SCAND3: variants seen among roughly 807,000 people sequenced by gnomAD.
SCAND3 encodes SCAN domain containing 3, also known as SCAN domain-containing protein 3.
the SCAND3 span, chr6:28,575,754 G>A: frequency 1.2e-6 from 2 of 1,613,960 alleles, no homozygotes; most frequent in African/African-American, 2.7e-5. The surrounding 1 kb of genome is among the most constrained non-coding windows in gnomAD (Gnocchi z 4.2). Flanking sequence ...CATGTCCAAT[G>A]CTGAGATGTG....
At chr6:28,590,981 G>A in the SCAND3 span, 99 of 152,262 alleles carry the variant, frequency 6.5e-4, no homozygotes, top group African/African-American at 2.3e-3. Flanking sequence ...CTCACCCAAA[G>A]TGTTCTCCCT....
chr6:28,585,525 T>C, the SCAND3 span, among the ~76,000 whole-genome samples: 1 of 152,188 alleles, frequency 6.6e-6, no homozygotes, highest in Non-Finnish European at 1.5e-5. Context: ...GGAAAACTCA[T>C]ACATGAGCTT....
At chr6:28,576,739 C>A in the SCAND3 span, among the ~76,000 whole-genome samples, 2 of 151,152 alleles carry the variant, frequency 1.3e-5, no homozygotes, top group Non-Finnish European at 2.9e-5. Flanking sequence ...TGCAAATTAA[C>A]ATTTACTTGT....
At chr6:28,579,279 T>G in the SCAND3 span, 2 of 1,613,130 alleles carry the variant, frequency 1.2e-6, no homozygotes, top group Admixed American at 1.7e-5. This position sits in a 1 kb window ranked among gnomAD's most constrained non-coding sequence, Gnocchi z 4.5. Context: ...CACCATTATC[T>G]TGAAGTGGGT....
At chr6:28,615,293 C>T in the SCAND3 span, among the ~76,000 whole-genome samples, 3 of 152,146 alleles carry the variant, frequency 2.0e-5, no homozygotes, top group Admixed American at 2.0e-4. Flanking sequence ...AAATTTAACA[C>T]GTATTAGACA....
the SCAND3 span, chr6:28,579,427 C>A: frequency 1.2e-6 from 2 of 1,604,830 alleles, no homozygotes; most frequent in Non-Finnish European, 1.7e-6. The surrounding 1 kb of genome is among the most constrained non-coding windows in gnomAD (Gnocchi z 4.5). Flanking sequence ...GACCTGTGGA[C>A]AAGTAGGTGC....
the SCAND3 span, among the ~76,000 whole-genome samples, chr6:28,606,518 G>A: frequency 6.6e-6 from 1 of 151,856 alleles, no homozygotes; most frequent in Non-Finnish European, 1.5e-5. Context: ...TTCAGATAAC[G>A]CTACTACCCC....
At chr6:28,571,958 T>C in the SCAND3 span, 19 of 1,613,690 alleles carry the variant, frequency 1.2e-5, no homozygotes, top group Non-Finnish European at 1.6e-5. Flanking sequence ...TTGTCTAATC[T>C]AGGTTGGATT....
At chr6:28,581,293 G>A in the SCAND3 span, among the ~76,000 whole-genome samples, 5 of 152,070 alleles carry the variant, frequency 3.3e-5, no homozygotes, top group Non-Finnish European at 7.4e-5. Flanking sequence ...AGCCAAGATC[G>A]TGCCACTGCC....
chr6:28,578,444 G>A, the SCAND3 span, among the ~76,000 whole-genome samples: 50 of 152,132 alleles, frequency 3.3e-4, no homozygotes, highest in Admixed American at 8.5e-4. Flanking sequence ...TATCTAACAC[G>A]TTACTACATC....
chr6:28,589,856 G>GTTTTTTTTTTT, the SCAND3 span: 2 of 116,552 alleles, frequency 1.7e-5, no homozygotes, highest in Non-Finnish European at 3.6e-5. Flanking sequence ...TTTTTTGTTT[G>GTTTTTTTTTTT]TTTTTTTTTT....
At chr6:28,574,799 C>T in the SCAND3 span, 1 of 1,614,018 alleles carries the variant, frequency 6.2e-7, no homozygotes, top group African/African-American at 1.3e-5. Flanking sequence ...CCACAGCCCT[C>T]AGTCCCATGT....
chr6:28,615,252 T>C, the SCAND3 span, among the ~76,000 whole-genome samples: 1 of 152,246 alleles, frequency 6.6e-6, no homozygotes, highest in East Asian at 1.9e-4. Context: ...AACCAAAAGA[T>C]ATTTACAAAA....
At chr6:28,603,604 G>T in the SCAND3 span, among the ~76,000 whole-genome samples, 1 of 150,048 alleles carries the variant, frequency 6.7e-6, no homozygotes, top group Admixed American at 6.7e-5. Flanking sequence ...AAATTTTCCA[G>T]GTATATTATA....
the SCAND3 span, among the ~76,000 whole-genome samples, chr6:28,610,045 G>A: frequency 6.6e-6 from 1 of 152,038 alleles, no homozygotes; most frequent in Non-Finnish European, 1.5e-5. Flanking sequence ...GCAACAGGGT[G>A]CAACGCCGTC....
the SCAND3 span, among the ~76,000 whole-genome samples, chr6:28,600,917 T>C: frequency 1.3e-5 from 2 of 148,542 alleles, no homozygotes; most frequent in Non-Finnish European, 3.0e-5. Flanking sequence ...TTTTTTTTTT[T>C]TTGAGACAGA....
the SCAND3 span, among the ~76,000 whole-genome samples, chr6:28,608,582 T>C: frequency 7.2e-5 from 11 of 152,210 alleles, no homozygotes; most frequent in Admixed American, 7.2e-4. Context: ...AGAGCTAGTA[T>C]GAAATATTGA....
the SCAND3 span, among the ~76,000 whole-genome samples, chr6:28,596,626 AT>A: frequency 1.5e-5 from 2 of 135,084 alleles, no homozygotes; most frequent in African/African-American, 3.4e-5. Context: ...AAAAATATAT[AT>A]TTTTTTCTCC....
chr6:28,604,798 T>A, the SCAND3 span, among the ~76,000 whole-genome samples: 1 of 152,196 alleles, frequency 6.6e-6, no homozygotes, highest in African/African-American at 2.4e-5. Context: ...TCTTTAGGTT[T>A]CAGTATGACT....
Sources: allele counts gnomAD v4.1 joint callset (sites outside exome capture counted in the v4.1 genomes callset), GRCh38; gene constraint gnomAD v4.1.1; non-coding constraint Gnocchi (gnomAD v3.1); transcripts MANE v1.5; gene names NCBI Gene and HGNC (gene_info 2026-07-23, HGNC 2026-07-21).